NKAIN2: variants seen among roughly 807,000 people sequenced by gnomAD.
NKAIN2 encodes sodium/potassium-transporting ATPase subunit beta-1-interacting protein 2.
A neutral mutation model predicts 32.6 loss-of-function variants in NKAIN2; 14 were observed. The observed-to-expected ratio is 0.43, with a 90% confidence interval of 0.28 to 0.67. The LOEUF is 0.67. Among genes scored for constraint, NKAIN2 ranks in the 30% least tolerant of loss-of-function variants. The probability of loss-of-function intolerance (pLI) is 0.17; values close to 1 mark genes in which losing one functional copy is unlikely to be tolerated. For synonymous variants in NKAIN2, 80 were observed against 87.2 expected, an observed-to-expected ratio of 0.92 and a Z score of 0.46; for missense variants, 198 against 258.3, an observed-to-expected ratio of 0.77 and a Z score of 1.60.
chr6:124,094,851 C>G (rs1441661680), intron 1 of NKAIN2, among the ~76,000 whole-genome samples: 1 of 151,992 alleles, frequency 6.6e-6, no homozygotes, highest in Non-Finnish European at 1.5e-5. Context: ...TATTTCATAA[C>G]TTATAAAATT....
chr6:124,718,157 C>T (rs1407068204), intron 4 of NKAIN2, among the ~76,000 whole-genome samples: 1 of 152,014 alleles, frequency 6.6e-6, no homozygotes, highest in African/African-American at 2.4e-5. Flanking sequence ...CACAATTGTG[C>T]AACCATCACA....
chr6:124,768,263 A>G (rs189408504), intron 4 of NKAIN2, among the ~76,000 whole-genome samples: 294 of 152,330 alleles, frequency 1.9e-3, no homozygotes, highest in African/African-American at 5.7e-3. Flanking sequence ...ACAAACCAGG[A>G]TGGAGCCATT....
chr6:124,023,254 T>C (rs1021406481), intron 1 of NKAIN2, among the ~76,000 whole-genome samples: 3 of 151,846 alleles, frequency 2.0e-5, no homozygotes, highest in Non-Finnish European at 2.9e-5. Context: ...GTATGTATTA[T>C]ATAATGTATG....
At chr6:123,813,499 T>C (rs922330651) in intron 1 of NKAIN2, among the ~76,000 whole-genome samples, 1 of 152,162 alleles carries the variant, frequency 6.6e-6, no homozygotes, top group African/African-American at 2.4e-5. Context: ...GAATTACATA[T>C]TTGAAGGCTT....
At chr6:124,556,725 A>G (rs747234198) in intron 3 of NKAIN2, among the ~76,000 whole-genome samples, 53 of 152,222 alleles carry the variant, frequency 3.5e-4, no homozygotes, top group Non-Finnish European at 6.6e-4. Context: ...ACAAAACTGT[A>G]TGAGTTAGTT....
intron 4 of NKAIN2, 153 bp downstream of exon 4, chr6:124,658,539 A>G: frequency 6.8e-7 from 1 of 1,477,034 alleles, no homozygotes; most frequent in South Asian, 1.4e-5. Flanking sequence ...TCCTCAGGTT[A>G]AACTAAACCA....
At chr6:124,624,911 T>C (rs1783249147) in intron 3 of NKAIN2, among the ~76,000 whole-genome samples, 1 of 143,372 alleles carries the variant, frequency 7.0e-6, no homozygotes, top group African/African-American at 2.6e-5. Flanking sequence ...TTCTTTTAAA[T>C]AGACTAAAGT....
chr6:124,362,216 CAATT>C (rs1203330977), intron 3 of NKAIN2, among the ~76,000 whole-genome samples: 1 of 151,940 alleles, frequency 6.6e-6, no homozygotes, highest in Non-Finnish European at 1.5e-5. Context: ...GAGAAAATTT[CAATT>C]AACTATTACT....
intron 1 of NKAIN2, among the ~76,000 whole-genome samples, chr6:123,842,600 T>A (rs1186096500): frequency 6.6e-6 from 1 of 152,148 alleles, no homozygotes; most frequent in Non-Finnish European, 1.5e-5. Flanking sequence ...CTATTGCACT[T>A]CTTAAGAACT....
chr6:123,965,114 T>C (rs1003742015), intron 1 of NKAIN2, among the ~76,000 whole-genome samples: 33 of 152,124 alleles, frequency 2.2e-4, no homozygotes, highest in African/African-American at 2.4e-5. Context: ...GTGCCCTTTT[T>C]TTGAGACATC....
In NKAIN2 at chr6:124,726,334, G is replaced by A. The variant is rs554795285; in HGVS notation, c.475-65005G>A. Among the ~76,000 whole-genome samples, 271 of 152,310 alleles carry A rather than the reference G, an allele frequency of 1.8e-3. 7 individuals are homozygous for A. The East Asian group carries it at 0.044, about 25-fold the overall frequency. On this transcript the variant is annotated intron_variant, in intron 4 of 6. Transcript: ENST00000368417. The stretch of plus-strand genomic sequence containing the variant: ...TCTGACAGCTTTGAAGAGAGCAGTG[G>A]TTCTCCCAGCACACAGCTAGAGATC...
chr6:124,386,657 G>A (rs1312906390), intron 3 of NKAIN2, among the ~76,000 whole-genome samples: 1 of 152,290 alleles, frequency 6.6e-6, no homozygotes, highest in African/African-American at 2.4e-5. Flanking sequence ...TATAAGCTGA[G>A]TCAATTGAGA....
intron 1 of NKAIN2, among the ~76,000 whole-genome samples, chr6:124,239,059 T>A (rs367985786): frequency 6.6e-6 from 1 of 151,840 alleles, no homozygotes; most frequent in African/African-American, 2.4e-5. Flanking sequence ...AATAAAGGGA[T>A]GGAGGAATAT....
At chr6:124,680,031 A>G (rs1337625529) in intron 4 of NKAIN2, among the ~76,000 whole-genome samples, 1 of 152,048 alleles carries the variant, frequency 6.6e-6, no homozygotes, top group Non-Finnish European at 1.5e-5. Context: ...ACGATGAGCC[A>G]CCAAAATTTT....
intron 1 of NKAIN2, among the ~76,000 whole-genome samples, chr6:124,196,805 A>G (rs974026583): frequency 6.6e-6 from 1 of 151,944 alleles, no homozygotes. Flanking sequence ...ATTTTAATTT[A>G]TTTTATAAAA....
intron 1 of NKAIN2, among the ~76,000 whole-genome samples, chr6:124,199,435 G>T (rs1470849411): frequency 2.0e-5 from 3 of 152,132 alleles, no homozygotes; most frequent in Non-Finnish European, 2.9e-5. Context: ...CCAGTGTTCA[G>T]GGCTCACATT....
At chr6:124,188,472 G>T (rs564466858) in intron 1 of NKAIN2, among the ~76,000 whole-genome samples, 52 of 152,268 alleles carry the variant, frequency 3.4e-4, no homozygotes, top group African/African-American at 1.2e-3. Flanking sequence ...AACTGCTTAT[G>T]GACTTTAATC....
chr6:124,221,604 G>A (rs944063061), intron 1 of NKAIN2, among the ~76,000 whole-genome samples: 1 of 152,060 alleles, frequency 6.6e-6, no homozygotes, highest in Non-Finnish European at 1.5e-5. Context: ...AAGGTAGAAT[G>A]TTACCAGTAA....
chr6:124,326,256 A>T, intron 2 of NKAIN2, among the ~76,000 whole-genome samples: 1 of 140,330 alleles, frequency 7.1e-6, no homozygotes. Flanking sequence ...TGCACTTTTT[A>T]CTTTTGTGGC....
Sources: gnomAD v4.1 joint callset for allele counts (sites outside exome capture counted in the v4.1 genomes callset) on GRCh38, gnomAD v4.1.1 for gene constraint, MANE v1.5 for transcripts, NCBI Gene and HGNC (gene_info 2026-07-23, HGNC 2026-07-21) for gene names.